The following RBFOX3 variants were observed in gnomAD, a reference collection of about 807,000 sequenced individuals.
RBFOX3 encodes RNA binding protein fox-1 homolog 3.
RBFOX3 carries 17 observed loss-of-function variants against 48.7 expected under a neutral mutation model. That is an observed-to-expected ratio of 0.35 (90% CI 0.24 to 0.52). RBFOX3 has a LOEUF of 0.52. Ranked by LOEUF, RBFOX3 falls within the 20% of genes least tolerant of loss-of-function variation. RBFOX3 has a pLI of 0.94. For missense variants in RBFOX3, 382 were observed against 497.5 expected (o/e 0.77, Z 2.21); for synonymous variants, 212 against 209.5 (o/e 1.01, Z -0.10).
intron 4 of RBFOX3, among the ~76,000 whole-genome samples, chr17:79,169,647 C>A (rs2048734421): frequency 6.6e-6 from 1 of 152,198 alleles, no homozygotes; most frequent in Non-Finnish European, 1.5e-5. Flanking sequence ...TGAGGCAGCC[C>A]CAAAAGGCAA....
At chr17:79,411,456 C>T (rs1481325796) in intron 2 of RBFOX3, among the ~76,000 whole-genome samples, 1 of 152,168 alleles carries the variant, frequency 6.6e-6, no homozygotes, top group Non-Finnish European at 1.5e-5. Context: ...GCGTGTTCAG[C>T]CTTGGCCTCA....
intron 4 of RBFOX3, among the ~76,000 whole-genome samples, chr17:79,168,397 A>G (rs2145620520): frequency 6.6e-6 from 1 of 152,404 alleles, no homozygotes; most frequent in East Asian, 1.9e-4. Context: ...AATAGTCAAG[A>G]TAAACTACAC....
chr17:79,149,188 G>C (rs1003588013), intron 4 of RBFOX3, among the ~76,000 whole-genome samples: 1 of 152,244 alleles, frequency 6.6e-6, no homozygotes, highest in African/African-American at 2.4e-5. Context: ...TATTATTGCC[G>C]GGGTTACACC....
At position 79,573,423 on chromosome 17, in the gene RBFOX3, G is replaced by A. The variant is rs1006767797; in HGVS notation, c.-320+37403C>T. Among the ~76,000 whole-genome samples the A allele has an allele frequency of 8.6e-3, 1,309 of 152,306 alleles. 47 individuals are homozygous for A. The highest frequency in any genetic ancestry group is 0.078 in the East Asian group (402 of 5,170). On this transcript the variant is annotated intron_variant, in intron 1 of 14. Transcript: ENST00000693108. ...GCTTTGAGGCCTTTCAATCTTGCAG[G>A]ACCTCGTGCAGCCTGGAGGAGGGGC...
chr17:79,220,844 A>C lies in RBFOX3; in HGVS notation c.-34+14922T>G, dbSNP rs1198441895. Among the ~76,000 whole-genome samples the C allele has an allele frequency of 6.6e-6, 1 of 152,020 alleles. No homozygotes were observed. Among genetic ancestry groups the C allele is most frequent in the African/African-American group, 2.4e-5 (1 of 41,398 alleles). Reference sequence around the variant, plus strand: ...TCCTGCAGAGGCGGGGCGGCTCTCCAGGCCTGGAGCGTGGGCCAATCAGAG... The same window carrying C: ...TCCTGCAGAGGCGGGGCGGCTCTCCCGGCCTGGAGCGTGGGCCAATCAGAG... On this transcript the variant is annotated intron_variant, in intron 4 of 14. Coordinates refer to ENST00000693108, the MANE Select transcript of RBFOX3 (RefSeq NM_001350451.2). This position sits in a 1 kb window ranked among gnomAD's most constrained non-coding sequence, Gnocchi z 5.9.
intron 1 of RBFOX3, among the ~76,000 whole-genome samples, chr17:79,492,411 C>T (rs1476024742): frequency 6.6e-6 from 1 of 152,232 alleles, no homozygotes. Flanking sequence ...AGAGCTCCAT[C>T]TTTCTCTCAC....
intron 3 of RBFOX3, among the ~76,000 whole-genome samples, chr17:79,298,623 C>T (rs2074790585): frequency 6.6e-6 from 1 of 152,110 alleles, no homozygotes; most frequent in Non-Finnish European, 1.5e-5. Context: ...CATTGCAGCC[C>T]CAGAACCTGC....
chr17:79,172,523 C>G (rs1180271190), intron 4 of RBFOX3, among the ~76,000 whole-genome samples: 1 of 152,202 alleles, frequency 6.6e-6, no homozygotes, highest in African/African-American at 2.4e-5. Context: ...GCGTGACTCC[C>G]TGGGCCTCCA....
intron 2 of RBFOX3, among the ~76,000 whole-genome samples, chr17:79,375,627 C>T (rs924021396): frequency 3.5e-4 from 53 of 152,164 alleles, no homozygotes; most frequent in African/African-American, 1.2e-3. Flanking sequence ...TGAGCAGACT[C>T]GGGCAAGTGG....
chr17:79,507,254 G>A (rs950394468), intron 1 of RBFOX3, among the ~76,000 whole-genome samples: 55 of 152,208 alleles, frequency 3.6e-4, no homozygotes, highest in African/African-American at 1.3e-3. Flanking sequence ...CAGGGCCTCA[G>A]AGCACTGGCT....
At chr17:79,190,828 G>A (rs930607623) in intron 4 of RBFOX3, among the ~76,000 whole-genome samples, 2 of 152,234 alleles carry the variant, frequency 1.3e-5, no homozygotes, top group South Asian at 2.1e-4. Context: ...GAGCAAAGCC[G>A]TGCATAAAGG....
At chr17:79,426,760 A>T (rs2067468864) in intron 2 of RBFOX3, among the ~76,000 whole-genome samples, 1 of 152,102 alleles carries the variant, frequency 6.6e-6, no homozygotes, top group African/African-American at 2.4e-5. Context: ...GCTGGAGTGC[A>T]GTGGTGTGAT....
At chr17:79,268,442 C>A (rs2067106355) in intron 3 of RBFOX3, among the ~76,000 whole-genome samples, 2 of 152,222 alleles carry the variant, frequency 1.3e-5, no homozygotes, top group Non-Finnish European at 2.9e-5. Context: ...TCCTCCAAGA[C>A]AGACCTTCTG....
At chr17:79,091,790 G>C (rs1289300130) in intron 14 of RBFOX3, among the ~76,000 whole-genome samples, 2 of 152,224 alleles carry the variant, frequency 1.3e-5, no homozygotes, top group Non-Finnish European at 2.9e-5. Context: ...GCCTGGCCTT[G>C]GCCCTGCGGT....
chr17:79,141,670 G>A (rs2707039), intron 4 of RBFOX3, among the ~76,000 whole-genome samples: 15 of 152,114 alleles, frequency 9.9e-5, no homozygotes, highest in Non-Finnish European at 2.1e-4. Context: ...AGAAGTTGGG[G>A]GTCCCTCGGT....
intron 6 of RBFOX3, among the ~76,000 whole-genome samples, chr17:79,105,354 G>A (rs1391349414): frequency 1.3e-5 from 2 of 152,192 alleles, no homozygotes; most frequent in Non-Finnish European, 2.9e-5. Flanking sequence ...AGCTGACAGG[G>A]GATGGTGTCC....
At chr17:79,250,496 C>T (rs1182995027) in intron 3 of RBFOX3, among the ~76,000 whole-genome samples, 11 of 152,054 alleles carry the variant, frequency 7.2e-5, no homozygotes, top group African/African-American at 1.9e-4. Context: ...CTGATGAGGG[C>T]GCTTAAATGA....
chr17:79,498,606 C>T (rs1391626056), intron 1 of RBFOX3, among the ~76,000 whole-genome samples: 3 of 151,514 alleles, frequency 2.0e-5, no homozygotes, highest in Non-Finnish European at 2.9e-5. Flanking sequence ...GCCCATCCAT[C>T]CATGCATCTA....
intron 4 of RBFOX3, among the ~76,000 whole-genome samples, chr17:79,138,710 C>G (rs114667515): frequency 3.2e-4 from 2 of 6,340 alleles, no homozygotes; most frequent in Non-Finnish European, 6.8e-4. Flanking sequence ...CATGCGTTCA[C>G]ACCCCCTCAC....
Sources: allele counts gnomAD v4.1 joint callset (sites outside exome capture counted in the v4.1 genomes callset), GRCh38; gene constraint gnomAD v4.1.1; non-coding constraint Gnocchi (gnomAD v3.1); transcripts MANE v1.5; gene names NCBI Gene and HGNC (gene_info 2026-07-23, HGNC 2026-07-21).